Variants in IL17B observed in about 807,000 individuals in gnomAD.
The protein encoded by IL17B is interleukin-17B.
IL17B carries 14 observed loss-of-function variants against 14.7 expected under a neutral mutation model. The ratio of observed to expected loss-of-function variants is 0.95; its 90% CI spans 0.63 to 1.49. The LOEUF is 1.49. Ranked by LOEUF, IL17B falls within the 40% of genes most tolerant of loss-of-function variation. The probability of loss-of-function intolerance (pLI) is 0.00; values close to 1 mark genes in which losing one functional copy is unlikely to be tolerated. For missense variants in IL17B, 233 were observed against 252.8 expected (o/e 0.92, Z 0.53); for synonymous variants, 105 against 94.8 (o/e 1.11, Z -0.62).
chr5:149,403,045 C>G (rs1025970223), intron 1 of IL17B, among the ~76,000 whole-genome samples: 1 of 143,442 alleles, frequency 7.0e-6, no homozygotes, highest in East Asian at 2.0e-4. Context: ...AAGTTGTAGA[C>G]AGTTTTTTGT....
chr5:149,379,408 G>T (rs190074120), upstream of IL17B: 3 of 672,832 alleles, frequency 4.5e-6, no homozygotes, highest in Non-Finnish European at 5.1e-6. Flanking sequence ...TGAGCCTAGC[G>T]CAGTGGCAGG....
intron 1 of IL17B, among the ~76,000 whole-genome samples, chr5:149,385,620 A>AC (rs1455649047): frequency 2.0e-5 from 3 of 152,234 alleles, no homozygotes; most frequent in Admixed American, 2.0e-4. Flanking sequence ...TCCAGGGCAG[A>AC]CAGAGGCGCC....
rs777464695 is a variant in IL17B, at chr5:149,376,947, G to A, written c.100C>T (p.Arg34Trp). 24 of 1,609,366 alleles carry A rather than the reference G, an allele frequency of 1.5e-5. No homozygotes were observed. The highest frequency in any genetic ancestry group is 1.7e-4 in the Middle Eastern group (1 of 6,028). Reference protein sequence around the residue: ...SPKSKRKGQGRPGPLAPGPHQ... With the variant: ...SPKSKRKGQGWPGPLAPGPHQ... ...GGGCCAGGGGCCAGGGGCCCAGGCC[G>A]CCCTTGCCCCTTCCTCTTGCTTTTG... Residue 34 changes from arginine to tryptophan, a missense_variant, in exon 2 of 3, where the codon CGG becomes TGG. Coordinates refer to ENST00000261796, the MANE Select transcript of IL17B (RefSeq NM_014443.3).
chr5:149,388,812 C>T (rs934102846), intron 1 of IL17B, among the ~76,000 whole-genome samples: 1 of 152,222 alleles, frequency 6.6e-6, no homozygotes, highest in African/African-American at 2.4e-5. Flanking sequence ...AAAACAGAGT[C>T]AGAGGTCTGT....
chr5:149,393,820 C>T (rs1436535942), intron 1 of IL17B, among the ~76,000 whole-genome samples: 1 of 152,144 alleles, frequency 6.6e-6, no homozygotes, highest in Non-Finnish European at 1.5e-5. Context: ...CCAATGAACT[C>T]CCTTTTATTT....
chr5:149,393,651 T>C (rs1192161011), intron 1 of IL17B, among the ~76,000 whole-genome samples: 1 of 152,174 alleles, frequency 6.6e-6, no homozygotes, highest in Non-Finnish European at 1.5e-5. Flanking sequence ...CCTAACTCCC[T>C]CCCTCTCTTC....
Position 149,402,587 on chromosome 5 carries a change from G to A in IL17B, n.95+1521C>T, listed in dbSNP as rs971902465. 3.7e-4 allele frequency among the ~76,000 whole-genome samples: 56 copies of A among 150,956 alleles called. 1 individual carries two copies. Among genetic ancestry groups the A allele is most frequent in the Non-Finnish European group, 1.3e-4 (9 of 67,884 alleles). On this transcript the variant is annotated intron_variant and non_coding_transcript_variant, in intron 1 of 2. Coordinates refer to the IL17B transcript ENST00000505432. ...ACACAAATTCAACCTCCAGCAGGGC[G>A]CCTTGCTACTCTCACACTTACCCTC...
chr5:149,376,914 C>T lies in IL17B; in HGVS notation c.133G>A (p.Val45Met), dbSNP rs1356282451. Residue 45 changes from valine (V) to methionine (M), a missense_variant, in exon 2 of 3, where the codon GTG becomes ATG. Physicochemically the swap from Val to Met is conservative, Grantham distance 21. Coordinates refer to ENST00000261796, the MANE Select transcript of IL17B (RefSeq NM_014443.3). ...PGPLAPGPHQ[V>M]PLDLVSRMKP... Reference sequence around the variant, plus strand: ...ATCCGTGACACCAGGTCCAGTGGCACCTGGTGAGGGCCAGGGGCCAGGGGC... The same window carrying T: ...ATCCGTGACACCAGGTCCAGTGGCATCTGGTGAGGGCCAGGGGCCAGGGGC... The T allele has an allele frequency of 6.2e-7, 1 of 1,614,006 alleles. No individual in the cohort carries two copies. The highest frequency in any genetic ancestry group is 2.2e-5 in the East Asian group (1 of 44,880).
intron 1 of IL17B, among the ~76,000 whole-genome samples, chr5:149,402,421 A>G (rs972401784): frequency 1.3e-5 from 2 of 152,122 alleles, no homozygotes; most frequent in African/African-American, 2.4e-5. Context: ...GGCGATCAAC[A>G]TAAAAGGTGT....
intron 1 of IL17B, among the ~76,000 whole-genome samples, chr5:149,384,430 G>A (rs1758778219): frequency 6.6e-6 from 1 of 152,196 alleles, no homozygotes; most frequent in African/African-American, 2.4e-5. Flanking sequence ...ATATGTGCCT[G>A]ATTTTGATGT....
intron 1 of IL17B, among the ~76,000 whole-genome samples, chr5:149,389,788 G>A (rs1222967750): frequency 6.6e-6 from 1 of 152,230 alleles, no homozygotes; most frequent in Non-Finnish European, 1.5e-5. Flanking sequence ...AGCATCCAGT[G>A]AACAAACAGA....
chr5:149,389,981 GACAA>G (rs1358164078), intron 1 of IL17B, among the ~76,000 whole-genome samples: 1 of 152,236 alleles, frequency 6.6e-6, no homozygotes, highest in East Asian at 1.9e-4. Flanking sequence ...GGGAGACGAG[GACAA>G]ACAGAGTCAA....
upstream of IL17B, among the ~76,000 whole-genome samples, chr5:149,383,050 C>T (rs1030483631): frequency 6.6e-6 from 1 of 152,186 alleles, no homozygotes; most frequent in Non-Finnish European, 1.5e-5. Context: ...TGCCCCTGCC[C>T]CTTCACTGCT....
At chr5:149,375,766 G>A (rs146544862) in intron 2 of IL17B, among the ~76,000 whole-genome samples, 2 of 152,176 alleles carry the variant, frequency 1.3e-5, no homozygotes, top group African/African-American at 4.8e-5. Flanking sequence ...TGTGGTCCCA[G>A]CTACTGGGAG....
intron 1 of IL17B, among the ~76,000 whole-genome samples, chr5:149,387,019 A>G (rs1357313167): frequency 6.6e-6 from 1 of 152,174 alleles, no homozygotes; most frequent in Non-Finnish European, 1.5e-5. Flanking sequence ...TCCTGAGCTT[A>G]TGTTCTAATG....
At chr5:149,376,169 C>T (rs951514441) in intron 2 of IL17B, among the ~76,000 whole-genome samples, 2 of 152,204 alleles carry the variant, frequency 1.3e-5, no homozygotes, top group Non-Finnish European at 2.9e-5. Flanking sequence ...CAAGAGAGGA[C>T]GCTGCTGCCA....
intron 1 of IL17B, among the ~76,000 whole-genome samples, chr5:149,398,025 A>C (rs929474752): frequency 2.0e-5 from 3 of 152,050 alleles, no homozygotes; most frequent in Admixed American, 2.0e-4. Flanking sequence ...CTCTAGAAAC[A>C]CCCTCACACA....
At chr5:149,395,703 C>T (rs183800720) in intron 1 of IL17B, among the ~76,000 whole-genome samples, 249 of 152,282 alleles carry the variant, frequency 1.6e-3, no homozygotes, top group African/African-American at 5.7e-3. Flanking sequence ...GGAGGAGTCT[C>T]GCTCTGTTGC....
chr5:149,403,198 C>T (rs1197073044), intron 1 of IL17B, among the ~76,000 whole-genome samples: 1 of 151,990 alleles, frequency 6.6e-6, no homozygotes, highest in Non-Finnish European at 1.5e-5. Flanking sequence ...GATCCTCCCA[C>T]TTCAGCCTCC....
Sources: allele counts gnomAD v4.1 joint callset (sites outside exome capture counted in the v4.1 genomes callset), GRCh38; gene constraint gnomAD v4.1.1; transcripts MANE v1.5; gene names NCBI Gene and HGNC (gene_info 2026-07-23, HGNC 2026-07-21).